The following RBFOX1 variants were observed in gnomAD, a reference collection of about 807,000 sequenced individuals.
The protein encoded by RBFOX1 is RNA binding protein fox-1 homolog 1.
Under a neutral mutation model 57.7 loss-of-function variants are expected in RBFOX1, and 8 were observed. That is an observed-to-expected ratio of 0.14 (90% CI 0.08 to 0.25). The LOEUF (loss-of-function observed/expected upper bound fraction) is 0.25. RBFOX1 is among the 10% of genes least tolerant of loss of function. The pLI, the probability that RBFOX1 is intolerant of heterozygous loss-of-function variation, is 1.00. For synonymous variants in RBFOX1, 326 were observed against 222.4 expected (o/e 1.47, Z -4.15); for missense variants, 611 against 548.5 (o/e 1.11, Z -1.14).
At chr16:5,899,771 T>C (rs914848659) in intron 4 of RBFOX1, among the ~76,000 whole-genome samples, 1 of 152,142 alleles carries the variant, frequency 6.6e-6, no homozygotes, top group African/African-American at 2.4e-5. Context: ...TGCTGAAAGC[T>C]ATGGCGACAG....
chr16:5,905,468 T>G (rs1045560468), intron 4 of RBFOX1, among the ~76,000 whole-genome samples: 2 of 152,064 alleles, frequency 1.3e-5, no homozygotes, highest in African/African-American at 4.8e-5. Flanking sequence ...TCCCAGCATT[T>G]TGGGAGGCTG....
Position 6,545,157 on chromosome 16 carries a change from T to C in RBFOX1, c.-63-109446T>C, listed in dbSNP as rs1349481893. Among the ~76,000 whole-genome samples the C allele has an allele frequency of 2.0e-5, 3 of 152,304 alleles. No homozygotes were observed. The East Asian group carries it at 5.8e-4, about 29-fold the overall frequency. On this transcript the variant is annotated intron_variant, in intron 2 of 15. Coordinates refer to ENST00000550418, the MANE Select transcript of RBFOX1 (RefSeq NM_018723.4). ...TTTTCCCTAGCGCCATTTTTGCCAC[T>C]TTAATCCAAACTACCCGCATCTGGA... is the stretch of plus-strand genomic sequence containing the variant.
At chr16:7,311,611 G>A (rs1401631522) in intron 4 of RBFOX1, among the ~76,000 whole-genome samples, 1 of 150,922 alleles carries the variant, frequency 6.6e-6, no homozygotes, top group Non-Finnish European at 1.5e-5. Context: ...TGCTCTGCCT[G>A]AAGCCAGGCA....
chr16:7,531,693 T>G (rs2080115094), intron 5 of RBFOX1, among the ~76,000 whole-genome samples: 3 of 152,148 alleles, frequency 2.0e-5, no homozygotes, highest in Admixed American at 1.3e-4. Context: ...ATGAAGCAAA[T>G]GTAAACATAG....
At chr16:5,655,445 C>T (rs2049394409) in intron 3 of RBFOX1, among the ~76,000 whole-genome samples, 2 of 152,158 alleles carry the variant, frequency 1.3e-5, no homozygotes, top group Non-Finnish European at 2.9e-5. Context: ...GCATATCTGG[C>T]AGGAAATGAC....
chr16:7,529,825 C>T (rs1463665756), intron 5 of RBFOX1, among the ~76,000 whole-genome samples: 5 of 151,730 alleles, frequency 3.3e-5, no homozygotes, highest in Non-Finnish European at 7.4e-5. Flanking sequence ...CCTAGTCAAC[C>T]TAGTGAAACC....
intron 1 of RBFOX1, among the ~76,000 whole-genome samples, chr16:5,422,975 G>A (rs1484226535): frequency 8.1e-6 from 1 of 123,304 alleles, no homozygotes; most frequent in African/African-American, 3.0e-5. Flanking sequence ...GAGGGAGAGG[G>A]AGGAGTGGGG....
chr16:7,681,733 A>G (rs1386400226), intron 14 of RBFOX1, among the ~76,000 whole-genome samples: 3 of 151,264 alleles, frequency 2.0e-5, no homozygotes, highest in Non-Finnish European at 2.9e-5. Context: ...TTTTTTTCCC[A>G]TGGGATAGGA....
At chr16:6,739,380 C>A (rs1375238272) in intron 3 of RBFOX1, among the ~76,000 whole-genome samples, 1 of 152,084 alleles carries the variant, frequency 6.6e-6, no homozygotes, top group Non-Finnish European at 1.5e-5. Context: ...TAAACCAATT[C>A]TCTTGAAAAG....
intron 3 of RBFOX1, among the ~76,000 whole-genome samples, chr16:6,912,785 CTAAT>C (rs1378636738): frequency 6.6e-6 from 1 of 151,280 alleles, no homozygotes; most frequent in Non-Finnish European, 1.5e-5. Context: ...ACGTGCCCGC[CTAAT>C]TTTTTTTTTT....
At chr16:6,916,164 C>G (rs1469875647) in intron 3 of RBFOX1, among the ~76,000 whole-genome samples, 1 of 152,050 alleles carries the variant, frequency 6.6e-6, no homozygotes, top group African/African-American at 2.4e-5. Context: ...TCAAAGTTGA[C>G]ACGTTGTTAT....
chr16:6,968,150 C>G (rs2084709366), intron 3 of RBFOX1, among the ~76,000 whole-genome samples: 1 of 152,124 alleles, frequency 6.6e-6, no homozygotes, highest in African/African-American at 2.4e-5. Flanking sequence ...TAGACTCGGC[C>G]TCAGGGTGGG....
intron 3 of RBFOX1, among the ~76,000 whole-genome samples, chr16:6,907,597 T>G (rs1314427756): frequency 6.6e-6 from 1 of 151,976 alleles, no homozygotes; most frequent in Non-Finnish European, 1.5e-5. Flanking sequence ...TTTGATGGAG[T>G]CTCACTCTGG....
intron 3 of RBFOX1, among the ~76,000 whole-genome samples, chr16:6,899,414 G>C (rs1454985925): frequency 1.3e-5 from 2 of 152,112 alleles, no homozygotes; most frequent in Non-Finnish European, 2.9e-5. Context: ...ATGAAGCATG[G>C]ATACATTACA....
At chr16:6,999,800 G>T (rs760666774) in intron 3 of RBFOX1, among the ~76,000 whole-genome samples, 6 of 152,092 alleles carry the variant, frequency 3.9e-5, no homozygotes, top group Non-Finnish European at 8.8e-5. Context: ...GGCCAGGCAT[G>T]TTGGCTCATG....
intron 3 of RBFOX1, among the ~76,000 whole-genome samples, chr16:6,720,891 T>C (rs961174460): frequency 6.6e-6 from 1 of 152,320 alleles, no homozygotes; most frequent in South Asian, 2.1e-4. Context: ...CCATCCATTT[T>C]ACCTTAACAT....
At chr16:7,710,454 G>A (rs1192681045) in intron 15 of RBFOX1, 169 bp from the exon 16 acceptor site, 4 of 1,457,628 alleles carry the variant, frequency 2.7e-6, no homozygotes, top group African/African-American at 1.5e-5. Flanking sequence ...ATTGGGGAAG[G>A]TCAGGAATGG....
intron 1 of RBFOX1, among the ~76,000 whole-genome samples, chr16:5,245,321 G>C (rs1370041469): frequency 6.6e-6 from 1 of 152,194 alleles, no homozygotes; most frequent in Non-Finnish European, 1.5e-5. Flanking sequence ...GTTGACTTTG[G>C]ACTCATTGGC....
At chr16:7,626,645 G>T (rs997607333) in intron 10 of RBFOX1, among the ~76,000 whole-genome samples, 1 of 152,120 alleles carries the variant, frequency 6.6e-6, no homozygotes, top group Non-Finnish European at 1.5e-5. Context: ...CAGGAAAGAA[G>T]AGAAAACACG....
Sources: gnomAD v4.1 joint callset for allele counts (sites outside exome capture counted in the v4.1 genomes callset) on GRCh38, gnomAD v4.1.1 for gene constraint, MANE v1.5 for transcripts, NCBI Gene and HGNC (gene_info 2026-07-23, HGNC 2026-07-21) for gene names.